The following NOG variants were observed in gnomAD, a reference collection of about 807,000 sequenced individuals.
NOG encodes the protein symphalangism 1 (proximal).
In NOG, 2 loss-of-function variants were observed where a neutral mutation model predicts 17.9. The observed-to-expected ratio is 0.11, with a 90% CI of 0.05 to 0.35. The LOEUF is 0.35. Ranked by LOEUF, NOG falls within the 10% of genes least tolerant of loss-of-function variation. The pLI is 1.00. For synonymous variants in NOG, 166 were observed against 148.7 expected (o/e 1.12, Z -0.85); for missense variants, 266 against 318.6 (o/e 0.83, Z 1.26).
chr17:56,594,091 C>A lies in NOG; in HGVS notation c.-133C>A. 1 of 658,256 alleles carries A rather than the reference C, an allele frequency of 1.5e-6. No individual in the cohort carries two copies. The highest frequency in any genetic ancestry group is 2.3e-6 in the Non-Finnish European group (1 of 427,130). 40.8% of individuals were successfully genotyped at this position (658,256 alleles called of 1,614,324 possible). A position where few individuals can be genotyped will look rare whatever the true frequency, so the allele number is the denominator to read the frequency against. ...AGGGCTCTCCCGGCGGCTCATGCTG[C>A]CGGCCCTGCGCCTGCCCAGCCTCGG... On this transcript the variant is annotated 5_prime_UTR_variant, in exon 1 of 1. Transcript: ENST00000332822.
In NOG at chr17:56,594,928, G is replaced by C. The variant is rs1335121053; in HGVS notation, c.*6G>C. On this transcript the variant is annotated 3_prime_UTR_variant, in exon 1 of 1. Transcript: ENST00000332822. ...AGTGCAAGTGCTCGTGCTAGAACTC[G>C]GGGGCCCCCTGCCCGCACCCGGACA... is the stretch of plus-strand genomic sequence containing the variant. 11 of 1,560,342 alleles carry C rather than the reference G, an allele frequency of 7.0e-6. No individual in the cohort carries two copies. The highest frequency in any genetic ancestry group is 9.6e-6 in the Non-Finnish European group (11 of 1,151,450).
chr17:56,595,565 A>C lies in NOG; in HGVS notation c.*643A>C, dbSNP rs556028914. 6.0e-6 allele frequency: 1 copy of C among 165,662 alleles called. No individual in the cohort carries two copies. Among genetic ancestry groups the C allele is most frequent in the South Asian group, 2.1e-4 (1 of 4,708 alleles). 10.3% of individuals were successfully genotyped at this position (165,662 alleles called of 1,614,324 possible). ...TTCTTTATAATATCCCGTGTAGTAAATGAGAAAGAAGTGCAGAGCAGGATT... is the reference window on the plus strand; with the variant it reads ...TTCTTTATAATATCCCGTGTAGTAACTGAGAAAGAAGTGCAGAGCAGGATT... On this transcript the variant is annotated 3_prime_UTR_variant, in exon 1 of 1. Transcript: ENST00000332822.
rs1237642768 is a variant in NOG at position 56,593,988 on chromosome 17, C to T, written c.-236C>T. On this transcript the variant is annotated 5_prime_UTR_variant, in exon 1 of 1. Transcript: ENST00000332822. Reference sequence around the variant, plus strand: ...TCGGATGCCCAGCCGCGGCCGCCTTCCCCAGTAGACCCGGGAGAGGAGTTG... The same window carrying T: ...TCGGATGCCCAGCCGCGGCCGCCTTTCCCAGTAGACCCGGGAGAGGAGTTG... The T allele has an allele frequency of 2.3e-6, 1 of 440,422 alleles. No individual in the cohort carries two copies. The highest frequency in any genetic ancestry group is 2.1e-5 in the African/African-American group (1 of 48,200). 27.3% of individuals were successfully genotyped at this position (440,422 alleles called of 1,614,324 possible).
Position 56,593,997 on chromosome 17 carries a change from A to T in NOG, c.-227A>T, listed in dbSNP as rs923700072. ...CAGCCGCGGCCGCCTTCCCCAGTAG[A>T]CCCGGGAGAGGAGTTGCGGCCAACT... is the stretch of plus-strand genomic sequence containing the variant. On this transcript the variant is annotated 5_prime_UTR_variant, in exon 1 of 1. Coordinates refer to ENST00000332822, the MANE Select transcript of NOG (RefSeq NM_005450.6). 6.7e-6 allele frequency: 3 copies of T among 449,968 alleles called. No homozygotes were observed. Among genetic ancestry groups the T allele is most frequent in the Non-Finnish European group, 1.2e-5 (3 of 259,430 alleles). 27.9% of individuals were successfully genotyped at this position (449,968 alleles called of 1,614,324 possible). A position where few individuals can be genotyped will look rare whatever the true frequency, so the allele number is the denominator to read the frequency against.
Position 56,594,586 on chromosome 17 carries a change from A to C in NOG, c.363A>C (p.Lys121Asn). ...CGGGGGCCATGCCGAGCGAGATCAA[A>C]GGGCTAGAGTTCTCCGAGGGCTTGG... ...RPSGAMPSEI[K>N]GLEFSEGLAQ... is the part of the protein sequence containing the mutation. Residue 121 changes from lysine (K) to asparagine (N), a missense_variant, in exon 1 of 1, where the codon AAA becomes AAC. By Grantham distance (94) the Lys-to-Asn change is moderately conservative. This residue lies in a region of NOG where 192 missense variants were observed against 197.6 expected (regional missense o/e 0.97). Coordinates refer to ENST00000332822, the MANE Select transcript of NOG (RefSeq NM_005450.6). The C allele has an allele frequency of 6.2e-7, 1 of 1,607,530 alleles. No homozygotes were observed. Among genetic ancestry groups the C allele is most frequent in the Non-Finnish European group, 8.5e-7 (1 of 1,176,992 alleles).
chr17:56,594,974 G>GC lies in NOG; in HGVS notation c.*57dup. ...GGACACTTGATCGATCCCCACCGAC[G>GC]CCCCCTGCACCGCCTCCAACCAGTT... is the stretch of plus-strand genomic sequence containing the variant. On this transcript the variant is annotated 3_prime_UTR_variant, in exon 1 of 1. Transcript: ENST00000332822. 3 of 1,337,760 alleles carry GC rather than the reference G, an allele frequency of 2.2e-6. 1 individual carries two copies. The highest frequency in any genetic ancestry group is 4.1e-4 in the Middle Eastern group (2 of 4,838). 82.9% of individuals were successfully genotyped at this position (1,337,760 alleles called of 1,614,324 possible).
Position 56,594,509 on chromosome 17 carries a change from G to T in NOG, c.286G>T (p.Gly96Trp). Residue 96 changes from glycine to tryptophan, a missense_variant, in exon 1 of 1, where the codon GGG becomes TGG. By Grantham distance (184) the Gly-to-Trp change is radical. Transcript: ENST00000332822. The stretch of plus-strand genomic sequence containing the variant: ...GCCCGGCGGGGGCGGGGGTGCAGCT[G>T]GGGGCGCGGAGGACCTGGCGGAGCT... Reference protein sequence around the residue: ...DRPGGGGGAAGGAEDLAELDQ... With the variant: ...DRPGGGGGAAWGAEDLAELDQ... 1 of 1,607,184 alleles carries T rather than the reference G, an allele frequency of 6.2e-7. No individual in the cohort carries two copies. Among genetic ancestry groups the T allele is most frequent in the Non-Finnish European group, 8.5e-7 (1 of 1,176,674 alleles).
rs139325910 is a variant in NOG at position 56,595,128 on chromosome 17, G to A, written c.*206G>A. ...TAACTGTGTAGGAATGTATATGTGT[G>A]TGTATATACGGTCCCAGTTTTAATT... On this transcript the variant is annotated 3_prime_UTR_variant, in exon 1 of 1. Coordinates refer to ENST00000332822, the MANE Select transcript of NOG (RefSeq NM_005450.6). 1.7e-4 allele frequency: 80 copies of A among 460,580 alleles called. 1 individual carries two copies. The highest frequency in any genetic ancestry group is 1.7e-3 in the Middle Eastern group (3 of 1,748). The allele number at this position is 460,580 out of a possible 1,614,324, so 28.5% of individuals were successfully genotyped here.
Position 56,594,530 on chromosome 17 carries a change from G to A in NOG, c.307G>A (p.Glu103Lys). 6.2e-7 allele frequency: 1 copy of A among 1,601,916 alleles called. No individual in the cohort carries two copies. The change falls in exon 1 of 1, where the codon GAG (glutamate) becomes AAG (lysine). Residue 103 changes from glutamate to lysine, a missense_variant. Coordinates refer to ENST00000332822, the MANE Select transcript of NOG (RefSeq NM_005450.6). ...AGCTGGGGGCGCGGAGGACCTGGCG[G>A]AGCTGGACCAGCTGCTGCGGCAGCG... ...GAAGGAEDLAELDQLLRQRPS... is the reference protein window; with the variant it reads ...GAAGGAEDLAKLDQLLRQRPS...
rs1039686376 is a variant in NOG, at chr17:56,594,606, G to T, written c.383G>T (p.Gly128Val). 14 of 1,612,412 alleles carry T rather than the reference G, an allele frequency of 8.7e-6. No homozygotes were observed. The African/African-American group carries it at 1.7e-4, about 20-fold the overall frequency. The change falls in exon 1 of 1, where the codon GGC becomes GTC. Residue 128 changes from glycine (G) to valine (V), a missense_variant. Physicochemically the swap from Gly to Val is moderately radical, Grantham distance 109 (BLOSUM62 -3). Around this residue, in one of 2 missense-constraint regions of NOG, gnomAD observed 192 missense variants for 197.6 expected, o/e 0.97. Coordinates refer to ENST00000332822, the MANE Select transcript of NOG (RefSeq NM_005450.6). ...ATCAAAGGGCTAGAGTTCTCCGAGG[G>T]CTTGGCCCAGGGCAAGAAGCAGCGC... ...SEIKGLEFSE[G>V]LAQGKKQRLS...
At position 56,594,815 on chromosome 17, in the gene NOG, G is replaced by A. The variant is rs763176857; in HGVS notation, c.592G>A (p.Val198Met). ...EGMVCKPSKS[V>M]HLTVLRWRCQ... ...CATGGTGTGCAAGCCGTCCAAGTCC[G>A]TGCACCTCACGGTGCTGCGGTGGCG... The change falls in exon 1 of 1, where the codon GTG becomes ATG. Residue 198 changes from valine to methionine, a missense_variant. Coordinates refer to ENST00000332822, the MANE Select transcript of NOG (RefSeq NM_005450.6). The A allele has an allele frequency of 6.2e-7, 1 of 1,612,120 alleles. No individual in the cohort carries two copies. Among genetic ancestry groups the A allele is most frequent in the Non-Finnish European group, 8.5e-7 (1 of 1,178,922 alleles).
chr17:56,594,252 C>T lies in NOG; in HGVS notation c.29C>T (p.Thr10Ile), dbSNP rs762322014. 8 of 1,604,538 alleles carry T rather than the reference C, an allele frequency of 5.0e-6. No individual in the cohort carries two copies. In the South Asian group the frequency reaches 5.5e-5, roughly 11 times the overall value. The change falls in exon 1 of 1, where the codon ACC (threonine) becomes ATC (isoleucine). Residue 10 changes from threonine to isoleucine, a missense_variant. Physicochemically the swap from Thr to Ile is moderately conservative, Grantham distance 89. Transcript: ENST00000332822. MERCPSLGV[T>I]LYALVVVLGL... ...GAGCGCTGCCCCAGCCTAGGGGTCA[C>T]CCTCTACGCCCTGGTGGTGGTCCTG...
chr17:56,594,677 C>T lies in NOG; in HGVS notation c.454C>T (p.Gln152Ter). The change falls in exon 1 of 1, where the codon CAG (glutamine) becomes TAG (stop). Residue 152 changes from glutamine (Q) to a stop codon, truncating the protein, a stop_gained. Transcript: ENST00000332822. LOFTEE classifies it high-confidence loss of function. ...GAAGTTACAGATGTGGCTGTGGTCGCAGACATTCTGCCCCGTGCTGTACGC... is the reference window on the plus strand; with the variant it reads ...GAAGTTACAGATGTGGCTGTGGTCGTAGACATTCTGCCCCGTGCTGTACGC... ...RRKLQMWLWS[Q>*]TFCPVLYAWN... 1 of 1,613,934 alleles carries T rather than the reference C, an allele frequency of 6.2e-7. No homozygotes were observed. The highest frequency in any genetic ancestry group is 8.5e-7 in the Non-Finnish European group (1 of 1,179,946).
Position 56,593,961 on chromosome 17 carries a change from T to G in NOG, c.-263T>G. On this transcript the variant is annotated 5_prime_UTR_variant, in exon 1 of 1. Transcript: ENST00000332822. Reference sequence around the variant, plus strand: ...GCGCCCCGCGGTCGCCCTGGAGTAATTTCGGATGCCCAGCCGCGGCCGCCT... The same window carrying G: ...GCGCCCCGCGGTCGCCCTGGAGTAAGTTCGGATGCCCAGCCGCGGCCGCCT... The G allele has an allele frequency of 2.4e-6, 1 of 413,506 alleles. No homozygotes were observed. 25.6% of individuals were successfully genotyped at this position (413,506 alleles called of 1,614,324 possible).
rs950875753 is a variant in NOG at position 56,594,840 on chromosome 17, G to T, written c.617G>T (p.Arg206Leu). ...GTGCACCTCACGGTGCTGCGGTGGC[G>T]CTGTCAGCGGCGCGGGGGCCAGCGC... ...KSVHLTVLRW[R>L]CQRRGGQRCG... is the part of the protein sequence containing the mutation. The change falls in exon 1 of 1, where the codon CGC (arginine) becomes CTC (leucine). Residue 206 changes from arginine to leucine, a missense_variant. Around this residue, in one of 2 missense-constraint regions of NOG, gnomAD observed 74 missense variants for 121.0 expected, o/e 0.61. Transcript: ENST00000332822. 1 of 1,610,406 alleles carries T rather than the reference G, an allele frequency of 6.2e-7. No homozygotes were observed. The highest frequency in any genetic ancestry group is 8.5e-7 in the Non-Finnish European group (1 of 1,178,340).
chr17:56,595,055 T>C lies in NOG; in HGVS notation c.*133T>C, dbSNP rs1643966108. ...ACTTTTTTTTTTTTTTTTTTTTTTTTTTCTGGGCTACAGAGACCTAGCTTT... is the reference window on the plus strand; with the variant it reads ...ACTTTTTTTTTTTTTTTTTTTTTTTCTTCTGGGCTACAGAGACCTAGCTTT... On this transcript the variant is annotated 3_prime_UTR_variant, in exon 1 of 1. Transcript: ENST00000332822. 1 of 650,632 alleles carries C rather than the reference T, an allele frequency of 1.5e-6. No individual in the cohort carries two copies. 40.3% of individuals were successfully genotyped at this position (650,632 alleles called of 1,614,324 possible). A position where few individuals can be genotyped will look rare whatever the true frequency, so the allele number is the denominator to read the frequency against.
Position 56,594,415 on chromosome 17 carries a change from G to T in NOG, c.192G>T (p.Thr64=), listed in dbSNP as rs2052467661. The T allele has an allele frequency of 6.2e-7, 1 of 1,613,182 alleles. No homozygotes were observed. Among genetic ancestry groups the T allele is most frequent in the Non-Finnish European group, 8.5e-7 (1 of 1,179,774 alleles). The change falls in exon 1 of 1, where the codon ACG becomes ACT. Residue 64 remains threonine, a synonymous_variant. Transcript: ENST00000332822. ...CCAAGGAAAAGGATCTGAACGAGAC[G>T]CTGCTGCGCTCGCTGCTCGGGGGCC... ...FDPKEKDLNE[T]LLRSLLGGHY... is the part of the protein sequence containing the mutation.
chr17:56,594,246 G>A lies in NOG; in HGVS notation c.23G>A (p.Gly8Glu), dbSNP rs1186245908. Residue 8 changes from glycine to glutamate, a missense_variant, in exon 1 of 1, where the codon GGG (glycine) becomes GAG (glutamate). This residue lies in a region of NOG where 192 missense variants were observed against 197.6 expected (regional missense o/e 0.97). Coordinates refer to ENST00000332822, the MANE Select transcript of NOG (RefSeq NM_005450.6). MERCPSL[G>E]VTLYALVVVL... ...GGCATGGAGCGCTGCCCCAGCCTAGGGGTCACCCTCTACGCCCTGGTGGTG... is the reference window on the plus strand; with the variant it reads ...GGCATGGAGCGCTGCCCCAGCCTAGAGGTCACCCTCTACGCCCTGGTGGTG... The A allele has an allele frequency of 6.2e-7, 1 of 1,600,380 alleles. No homozygotes were observed. The highest frequency in any genetic ancestry group is 2.3e-5 in the East Asian group (1 of 44,314).
At position 56,594,007 on chromosome 17, in the gene NOG, G is replaced by C; in HGVS notation, c.-217G>C. ...CGCCTTCCCCAGTAGACCCGGGAGA[G>C]GAGTTGCGGCCAACTTGTGTGCCTT... On this transcript the variant is annotated 5_prime_UTR_variant, in exon 1 of 1. Transcript: ENST00000332822. The C allele has an allele frequency of 2.2e-6, 1 of 459,458 alleles. No homozygotes were observed. Among genetic ancestry groups the C allele is most frequent in the Non-Finnish European group, 3.8e-6 (1 of 265,324 alleles). 28.5% of individuals were successfully genotyped at this position (459,458 alleles called of 1,614,324 possible).
Sources: gnomAD v4.1 joint callset for allele counts on GRCh38, gnomAD v4.1.1 for gene constraint, gnomAD v4.1.1 regional missense constraint, MANE v1.5 for transcripts, NCBI Gene and HGNC (gene_info 2026-07-23, HGNC 2026-07-21) for gene names.